Variants in FER observed in about 807,000 individuals in gnomAD.
FER encodes tyrosine-protein kinase Fer.
Under a neutral mutation model 111.0 loss-of-function variants are expected in FER, and 63 were observed. The observed-to-expected ratio is 0.57, with a 90% CI of 0.46 to 0.70. The LOEUF is 0.70. Among genes scored for constraint, FER ranks in the 30% least tolerant of loss-of-function variants. FER has a pLI of 0.00. For missense variants in FER, 914 were observed against 954.0 expected (o/e 0.96, Z 0.55); for synonymous variants, 327 against 313.9 (o/e 1.04, Z -0.44).
intron 1 of FER, among the ~76,000 whole-genome samples, chr5:108,755,393 T>C (rs1476785542): frequency 1.3e-5 from 2 of 152,188 alleles, no homozygotes; most frequent in African/African-American, 4.8e-5. Context: ...TGGGAGACTT[T>C]CCCAAGCTTC....
Position 108,946,183 on chromosome 5 carries a change from A to G in FER, c.1290A>G (p.Gly430=). Residue 430 remains glycine, a synonymous_variant, in exon 11 of 20, where the codon GGA becomes GGG. Transcript: ENST00000281092. ...KFESIRHSIA[G]IIRSPKSALG... ...AATCTATTCGTCATTCAATTGCTGG[A>G]ATAATTAGGTCTCCAAAATCTGCAC... 6.2e-7 allele frequency: 1 copy of G among 1,612,358 alleles called. No individual in the cohort carries two copies. The highest frequency in any genetic ancestry group is 8.5e-7 in the Non-Finnish European group (1 of 1,178,962).
chr5:108,888,511 A>G (rs1747514720), intron 9 of FER, among the ~76,000 whole-genome samples: 1 of 151,916 alleles, frequency 6.6e-6, no homozygotes, highest in Admixed American at 6.6e-5. Flanking sequence ...CATGTGAAGA[A>G]TGCATGGAAA....
At chr5:108,992,999 C>A (rs556345518) in intron 13 of FER, among the ~76,000 whole-genome samples, 55 of 150,826 alleles carry the variant, frequency 3.6e-4, no homozygotes, top group African/African-American at 1.1e-3. Flanking sequence ...GGAAGAGGCG[C>A]TCCTCACTTC....
At chr5:108,885,267 A>C (rs1746943462) in intron 9 of FER, among the ~76,000 whole-genome samples, 1 of 151,924 alleles carries the variant, frequency 6.6e-6, no homozygotes, top group African/African-American at 2.4e-5. Context: ...ATCTCCATAC[A>C]ACCCAACCAA....
chr5:108,945,251 CA>C (rs1174215886), intron 10 of FER, among the ~76,000 whole-genome samples: 1 of 152,078 alleles, frequency 6.6e-6, no homozygotes, highest in Non-Finnish European at 1.5e-5. Context: ...TGCTGATTAG[CA>C]GTTGAAATGT....
chr5:108,749,883 GAGGATT>G (rs1415897908), intron 1 of FER, among the ~76,000 whole-genome samples: 3 of 152,320 alleles, frequency 2.0e-5, no homozygotes, highest in African/African-American at 7.2e-5. Context: ...TAAACAAATT[GAGGATT>G]GTACTATGAG....
chr5:108,883,436 A>G lies in FER; in HGVS notation c.964A>G (p.Met322Val). 1 of 1,609,340 alleles carries G rather than the reference A, an allele frequency of 6.2e-7. No individual in the cohort carries two copies. The part of the protein sequence containing the change: ...LAEELMQTQQ[M>V]LLNKEEAVLE... ...GGAAGAACTTATGCAAACACAGCAG[A>G]TGCTTTTAAACAAGGAGGAGGCTGT... The change falls in exon 9 of 20, where the codon ATG becomes GTG. Residue 322 changes from methionine to valine, a missense_variant. Physicochemically the swap from Met to Val is conservative, Grantham distance 21 (BLOSUM62 1). Transcript: ENST00000281092.
At chr5:108,974,002 A>C (rs1761007193) in intron 13 of FER, among the ~76,000 whole-genome samples, 1 of 152,206 alleles carries the variant, frequency 6.6e-6, no homozygotes, top group African/African-American at 2.4e-5. Flanking sequence ...GTGGGTTTTC[A>C]GGAAGATCAT....
In FER at chr5:108,887,457, CAG is replaced by C. The variant is rs201726483; in HGVS notation, c.1046+3942_1046+3943del. On this transcript the variant is annotated intron_variant, in intron 9 of 19. Transcript: ENST00000281092. ...TTTTAAATTGACACATTAGCAAAAA[CAG>C]AGTTCAAGCTTATATAAGTAATGCA... Among the ~76,000 whole-genome samples, 1,159 of 151,446 alleles carry C rather than the reference CAG, an allele frequency of 7.7e-3. 12 individuals carry two copies. Among genetic ancestry groups the C allele is most frequent in the African/African-American group, 0.025 (1,056 of 41,438 alleles).
chr5:108,866,349 A>G (rs1435980201), intron 5 of FER, among the ~76,000 whole-genome samples: 1 of 151,984 alleles, frequency 6.6e-6, no homozygotes, highest in Non-Finnish European at 1.5e-5. Context: ...AAAACTAAAC[A>G]CCGCGTGTTC....
intron 6 of FER, among the ~76,000 whole-genome samples, chr5:108,868,544 G>T (rs1394211333): frequency 6.6e-6 from 1 of 152,020 alleles, no homozygotes; most frequent in Non-Finnish European, 1.5e-5. Context: ...TCATCCTTTG[G>T]TAGACCCTAT....
chr5:109,129,101 T>C (rs950916763), intron 17 of FER, among the ~76,000 whole-genome samples: 1 of 152,094 alleles, frequency 6.6e-6, no homozygotes, highest in African/African-American at 2.4e-5. Context: ...CTTTAAATTA[T>C]TGTACATAAA....
intron 10 of FER, among the ~76,000 whole-genome samples, chr5:108,926,190 ATC>A (rs758411289): frequency 3.3e-5 from 5 of 150,754 alleles, no homozygotes; most frequent in Non-Finnish European, 7.4e-5. Flanking sequence ...AGAATCTTCA[ATC>A]TCTGATATAT....
intron 16 of FER, among the ~76,000 whole-genome samples, chr5:109,074,333 C>T (rs1369879996): frequency 6.6e-6 from 1 of 152,212 alleles, no homozygotes; most frequent in Non-Finnish European, 1.5e-5. Context: ...CTCTGAATCA[C>T]AGCCCTATAG....
intron 16 of FER, among the ~76,000 whole-genome samples, chr5:109,055,194 C>T (rs188400120): frequency 6.6e-6 from 1 of 151,982 alleles, no homozygotes; most frequent in Non-Finnish European, 1.5e-5. Flanking sequence ...AATATAAAAC[C>T]AGAAACAATA....
intron 14 of FER, among the ~76,000 whole-genome samples, chr5:109,039,617 T>C (rs774375063): frequency 1.2e-4 from 19 of 152,062 alleles, no homozygotes; most frequent in South Asian, 4.1e-4. Context: ...GTGGGAAATA[T>C]AGCCACATGG....
intron 10 of FER, among the ~76,000 whole-genome samples, chr5:108,919,646 G>A (rs546532300): frequency 9.2e-5 from 14 of 152,184 alleles, no homozygotes; most frequent in Non-Finnish European, 1.8e-4. Flanking sequence ...CTGCAAGGGA[G>A]TTATTCCAGC....
intron 13 of FER, among the ~76,000 whole-genome samples, chr5:109,028,111 A>AT (rs1769029562): frequency 6.6e-6 from 1 of 152,090 alleles, no homozygotes; most frequent in Non-Finnish European, 1.5e-5. Context: ...TTGAGTCATT[A>AT]TTTTTTTAGG....
chr5:109,010,437 G>A (rs1355903874), intron 13 of FER, among the ~76,000 whole-genome samples: 3 of 152,204 alleles, frequency 2.0e-5, no homozygotes, highest in South Asian at 2.1e-4. Flanking sequence ...AATTACAGCC[G>A]TGAGCCACCG....
Sources: gnomAD v4.1 joint callset for allele counts (sites outside exome capture counted in the v4.1 genomes callset) on GRCh38, gnomAD v4.1.1 for gene constraint, MANE v1.5 for transcripts, NCBI Gene and HGNC (gene_info 2026-07-23, HGNC 2026-07-21) for gene names.